RBFOX1: variants seen among roughly 807,000 people sequenced by gnomAD.
RBFOX1 encodes RNA binding protein fox-1 homolog 1.
In RBFOX1, 8 loss-of-function variants were observed where a neutral mutation model predicts 57.7. The observed-to-expected ratio is 0.14, with a 90% CI of 0.08 to 0.25. The LOEUF (loss-of-function observed/expected upper bound fraction) is 0.25, where lower values mean the gene tolerates loss of function less well. Ranked by LOEUF, RBFOX1 falls within the 10% of genes least tolerant of loss-of-function variation. The pLI, the probability that RBFOX1 is intolerant of heterozygous loss-of-function variation, is 1.00. For synonymous variants in RBFOX1, 326 were observed against 222.4 expected (o/e 1.47, Z -4.15); for missense variants, 611 against 548.5 (o/e 1.11, Z -1.14).
chr16:6,154,546 C>A (rs567432083), intron 1 of RBFOX1, among the ~76,000 whole-genome samples: 2 of 152,098 alleles, frequency 1.3e-5, no homozygotes, highest in South Asian at 4.2e-4. Flanking sequence ...TGGGAGCCAG[C>A]GGTGATGAGG....
At chr16:6,481,085 C>G (rs927516472) in intron 2 of RBFOX1, among the ~76,000 whole-genome samples, 1 of 152,148 alleles carries the variant, frequency 6.6e-6, no homozygotes, top group African/African-American at 2.4e-5. Flanking sequence ...TGCACATTTT[C>G]CATTTTAATA....
intron 3 of RBFOX1, among the ~76,000 whole-genome samples, chr16:6,866,302 A>C (rs946889202): frequency 4.6e-5 from 7 of 151,972 alleles, no homozygotes; most frequent in African/African-American, 1.7e-4. Flanking sequence ...GATGGGCTTT[A>C]AGTTTCAAGC....
intron 2 of RBFOX1, among the ~76,000 whole-genome samples, chr16:6,547,444 C>T (rs2153850888): frequency 6.6e-6 from 1 of 152,244 alleles, no homozygotes; most frequent in Admixed American, 6.5e-5. Context: ...TCGAATGGTG[C>T]CATCTTCCAT....
At chr16:7,595,664 T>G (rs2094645978) in intron 8 of RBFOX1, 23 bp downstream of exon 8, 1 of 1,546,370 alleles carries the variant, frequency 6.5e-7, no homozygotes, top group African/African-American at 1.4e-5. Context: ...AATATTTTCC[T>G]TTTCATCTTT....
At chr16:5,801,630 A>G (rs1460591503) in intron 3 of RBFOX1, among the ~76,000 whole-genome samples, 1 of 152,224 alleles carries the variant, frequency 6.6e-6, no homozygotes, top group Non-Finnish European at 1.5e-5. Context: ...ACAAAAAAAT[A>G]CCAATGTGAT....
chr16:5,935,945 A>G (rs2059159196), intron 4 of RBFOX1, among the ~76,000 whole-genome samples: 4 of 152,150 alleles, frequency 2.6e-5, no homozygotes, highest in Admixed American at 2.6e-4. Flanking sequence ...CCTCCCCTGG[A>G]GGCCCTCAGG....
downstream of RBFOX1, among the ~76,000 whole-genome samples, chr16:5,603,133 G>A (rs1596403770): frequency 6.6e-6 from 1 of 152,166 alleles, no homozygotes; most frequent in East Asian, 1.9e-4. Flanking sequence ...ACCTCCACCT[G>A]TCTGCTTTGG....
intron 4 of RBFOX1, among the ~76,000 whole-genome samples, chr16:7,321,684 G>T (rs1270953045): frequency 6.6e-6 from 1 of 152,074 alleles, no homozygotes; most frequent in African/African-American, 2.4e-5. Context: ...AAGATGTTTG[G>T]CAAATAATAA....
chr16:6,478,752 C>T (rs1489164535), intron 2 of RBFOX1, among the ~76,000 whole-genome samples: 1 of 151,906 alleles, frequency 6.6e-6, no homozygotes, highest in Non-Finnish European at 1.5e-5. Flanking sequence ...GGGGAATGGC[C>T]TGTCAGTGGA....
intron 3 of RBFOX1, among the ~76,000 whole-genome samples, chr16:5,721,710 TCTATTGA>T (rs770557373): frequency 3.6e-4 from 55 of 152,236 alleles, no homozygotes; most frequent in Non-Finnish European, 6.5e-4. Flanking sequence ...TTTCTCTGCA[TCTATTGA>T]AATAATCATG....
At chr16:5,719,608 C>T (rs1416903935) in intron 3 of RBFOX1, among the ~76,000 whole-genome samples, 1 of 152,128 alleles carries the variant, frequency 6.6e-6, no homozygotes, top group Non-Finnish European at 1.5e-5. Context: ...AATCAATTTT[C>T]TGTCTCTATG....
At chr16:6,892,904 A>G (rs1221710651) in intron 3 of RBFOX1, among the ~76,000 whole-genome samples, 3 of 147,512 alleles carry the variant, frequency 2.0e-5, no homozygotes, top group Non-Finnish European at 3.0e-5. Flanking sequence ...ACTCACTCTC[A>G]GTCTTTGCTC....
chr16:7,384,236 A>G lies in RBFOX1; in HGVS notation c.28-133911A>G, dbSNP rs930580841. On this transcript the variant is annotated intron_variant, in intron 4 of 15. Transcript: ENST00000550418. The stretch of plus-strand genomic sequence containing the variant: ...TATATGAAATATATATATGAATATG[A>G]AAAGCAAGGAGTATGAAACTTATAT... 3.9e-5 allele frequency among the ~76,000 whole-genome samples: 6 copies of G among 152,008 alleles called. No individual in the cohort carries two copies. In the East Asian group the frequency reaches 9.6e-4, roughly 24 times the overall value.
intron 4 of RBFOX1, among the ~76,000 whole-genome samples, chr16:7,475,792 CAG>C (rs1184338866): frequency 6.6e-6 from 1 of 152,172 alleles, no homozygotes; most frequent in African/African-American, 2.4e-5. Context: ...GGGTAGCTAA[CAG>C]AGCACCTGAA....
intron 2 of RBFOX1, among the ~76,000 whole-genome samples, chr16:5,509,904 G>A (rs1015526038): frequency 6.6e-6 from 1 of 152,166 alleles, no homozygotes; most frequent in African/African-American, 2.4e-5. Context: ...AGGATCCCTT[G>A]AAGAGAGTTT....
chr16:7,237,809 C>A (rs1329311023), intron 4 of RBFOX1, among the ~76,000 whole-genome samples: 6 of 152,130 alleles, frequency 3.9e-5, no homozygotes, highest in Admixed American at 3.3e-4. Context: ...GGTTTGAGAC[C>A]AGCATGGCCA....
chr16:7,580,797 C>A (rs2093700973), intron 6 of RBFOX1, among the ~76,000 whole-genome samples: 2 of 152,182 alleles, frequency 1.3e-5, no homozygotes, highest in Non-Finnish European at 2.9e-5. Context: ...TTCATGTTTG[C>A]AGATGTAGCC....
At chr16:7,437,646 A>G (rs2098733642) in intron 4 of RBFOX1, among the ~76,000 whole-genome samples, 1 of 152,212 alleles carries the variant, frequency 6.6e-6, no homozygotes, top group Non-Finnish European at 1.5e-5. Flanking sequence ...AATAAGTCAA[A>G]TCAGTTGGAA....
chr16:7,314,329 T>C (rs1421071717), intron 4 of RBFOX1, among the ~76,000 whole-genome samples: 1 of 152,148 alleles, frequency 6.6e-6, no homozygotes, highest in Non-Finnish European at 1.5e-5. Flanking sequence ...GTCGTGTTCA[T>C]AACGGAATTT....
Sources: allele counts gnomAD v4.1 joint callset (sites outside exome capture counted in the v4.1 genomes callset), GRCh38; gene constraint gnomAD v4.1.1; transcripts MANE v1.5; gene names NCBI Gene and HGNC (gene_info 2026-07-23, HGNC 2026-07-21).